EP400: variants seen among roughly 807,000 people sequenced by gnomAD.
EP400 encodes E1A binding protein p400.
A neutral mutation model predicts 354.1 loss-of-function variants in EP400; 105 were observed. The observed-to-expected ratio is 0.30, with a 90% CI of 0.25 to 0.35. The LOEUF is 0.35. Among genes scored for constraint, EP400 ranks in the 10% least tolerant of loss-of-function variants. The pLI is 1.00. For synonymous variants in EP400, 1,646 were observed against 1,716.9 expected (o/e 0.96, Z 1.02); for missense variants, 3,280 against 4,121.0 (o/e 0.80, Z 5.59).
chr12:131,975,861 T>A (rs570652738), intron 2 of EP400, among the ~76,000 whole-genome samples: 1 of 152,206 alleles, frequency 6.6e-6, no homozygotes, highest in African/African-American at 2.4e-5. Context: ...CCTGGTCAAT[T>A]TAAAATTTTT....
chr12:131,951,425 C>T (rs1303171612), intron 1 of EP400, among the ~76,000 whole-genome samples: 1 of 151,704 alleles, frequency 6.6e-6, no homozygotes, highest in East Asian at 2.0e-4. Context: ...TCAAACAATC[C>T]TACCGCCTTG....
chr12:132,053,006 A>T (rs1895355717), intron 41 of EP400, 140 bp from the exon 42 acceptor site: 1 of 825,892 alleles, frequency 1.2e-6, no homozygotes, highest in South Asian at 1.5e-5. Context: ...TGCAGGGCAC[A>T]TTGGGCACCT....
intron 5 of EP400, among the ~76,000 whole-genome samples, chr12:131,984,606 A>G (rs1284733163): frequency 2.6e-5 from 4 of 152,148 alleles, no homozygotes; most frequent in Non-Finnish European, 5.9e-5. Context: ...CGAGCCACAT[A>G]CTGACTTAAA....
chr12:132,062,599 G>GCAA lies in EP400; in HGVS notation c.8234_8235insACA (p.Gln2748dup), dbSNP rs774442091. 1 of 1,604,730 alleles carries GCAA rather than the reference G, an allele frequency of 6.2e-7. No individual in the cohort carries two copies. The highest frequency in any genetic ancestry group is 8.5e-7 in the Non-Finnish European group (1 of 1,173,518). ...AGCAGCAGCAGCAGCAGCAACAGCAGCAGCAGCAACAGACGACGACGACCT... is the reference window on the plus strand; with the variant it reads ...AGCAGCAGCAGCAGCAGCAACAGCAGCAACAGCAGCAACAGACGACGACGACCT... On this transcript the variant is annotated inframe_insertion, in exon 47 of 53. Coordinates refer to ENST00000389561, the MANE Select transcript of EP400 (RefSeq NM_015409.5).
At chr12:131,992,433 G>A (rs537873152) in intron 11 of EP400, among the ~76,000 whole-genome samples, 105 of 152,306 alleles carry the variant, frequency 6.9e-4, no homozygotes, top group Admixed American at 1.0e-3. Context: ...CAACATGGTC[G>A]TATCTGCTTT....
intron 1 of EP400, among the ~76,000 whole-genome samples, chr12:131,951,931 C>T (rs1197075396): frequency 6.6e-6 from 1 of 151,936 alleles, no homozygotes; most frequent in Non-Finnish European, 1.5e-5. Flanking sequence ...TGCCTGCCAC[C>T]ACACCTGCCT....
At chr12:132,053,634 G>T (rs1029259311) in intron 43 of EP400, 37 bp downstream of exon 43, 4 of 1,477,578 alleles carry the variant, frequency 2.7e-6, no homozygotes, top group Admixed American at 2.3e-5. Context: ...CCCCTCTACG[G>T]GAAGTCACCC....
chr12:131,950,810 G>T (rs1891449177), intron 1 of EP400, among the ~76,000 whole-genome samples: 2 of 152,234 alleles, frequency 1.3e-5, no homozygotes, highest in African/African-American at 4.8e-5. Context: ...TTGGCGTGCA[G>T]TGGCGCGATG....
chr12:131,981,548 G>C lies in EP400; in HGVS notation c.1495G>C (p.Gly499Arg). 3 of 1,602,322 alleles carry C rather than the reference G, an allele frequency of 1.9e-6. No individual in the cohort carries two copies. Among genetic ancestry groups the C allele is most frequent in the Non-Finnish European group, 2.6e-6 (3 of 1,174,820 alleles). ...GHQGVVFQHP[G>R]ADAGVPLQQL... Reference sequence around the variant, plus strand: ...CCAAGGGGTAGTTTTCCAGCACCCAGGGGCGGACGCAGGCGTTCCTCTCCA... The same window carrying C: ...CCAAGGGGTAGTTTTCCAGCACCCACGGGCGGACGCAGGCGTTCCTCTCCA... The change falls in exon 4 of 53, where the codon GGG becomes CGG. Residue 499 changes from glycine to arginine, a missense_variant. Physicochemically the swap from Gly to Arg is moderately radical, Grantham distance 125. Coordinates refer to ENST00000389561, the MANE Select transcript of EP400 (RefSeq NM_015409.5).
intron 12 of EP400, among the ~76,000 whole-genome samples, chr12:131,997,658 A>T (rs542713226): frequency 4.0e-5 from 6 of 150,984 alleles, no homozygotes; most frequent in Admixed American, 6.6e-5. Context: ...GAGAAAATAC[A>T]TTTACTATTT....
chr12:131,958,179 G>T (rs1269737423), intron 1 of EP400, among the ~76,000 whole-genome samples: 1 of 152,186 alleles, frequency 6.6e-6, no homozygotes, highest in Non-Finnish European at 1.5e-5. Context: ...CATAATGTTT[G>T]TTTAGTAAGA....
intron 19 of EP400, among the ~76,000 whole-genome samples, chr12:132,016,216 A>G (rs937834212): frequency 6.6e-6 from 1 of 152,136 alleles, no homozygotes; most frequent in Non-Finnish European, 1.5e-5. Flanking sequence ...CCAGGCTCAC[A>G]GGAGCTCTCC....
intron 2 of EP400, among the ~76,000 whole-genome samples, chr12:131,971,470 G>A (rs937693134): frequency 6.6e-6 from 1 of 152,132 alleles, no homozygotes; most frequent in Non-Finnish European, 1.5e-5. Flanking sequence ...TTCAAGACAC[G>A]GATTTCCTTT....
chr12:131,958,698 T>C (rs1891782698), intron 1 of EP400, among the ~76,000 whole-genome samples: 1 of 152,108 alleles, frequency 6.6e-6, no homozygotes, highest in Non-Finnish European at 1.5e-5. Flanking sequence ...TTTGTATTTT[T>C]CTTGTAGAGA....
At chr12:132,010,891 G>A (rs1161526386) in intron 15 of EP400, among the ~76,000 whole-genome samples, 8 of 152,178 alleles carry the variant, frequency 5.3e-5, no homozygotes, top group Non-Finnish European at 1.2e-4. Flanking sequence ...GCAGTGAGCC[G>A]AGATTGTGCC....
rs143174172 is a variant in EP400, at chr12:132,061,058, T to C, written c.7885-1052T>C. Among the ~76,000 whole-genome samples the C allele has an allele frequency of 2.9e-3, 441 of 152,134 alleles. 1 individual carries two copies. The highest frequency in any genetic ancestry group is 0.01 in the African/African-American group (417 of 41,496). On this transcript the variant is annotated intron_variant, in intron 45 of 52. Transcript: ENST00000389561. ...AGCTGGAAGTGGTAACAAGGTAGAC[T>C]CATGGATGAACGCAGGAGCTCACTG...
At chr12:132,036,021 T>C (rs1229531277) in intron 30 of EP400, among the ~76,000 whole-genome samples, 71 of 124,320 alleles carry the variant, frequency 5.7e-4, no homozygotes, top group African/African-American at 1.8e-3. Flanking sequence ...CAGGTTCACA[T>C]GGAACGCTGT....
In EP400 at chr12:131,953,375, T is replaced by C. The variant is rs553661946; in HGVS notation, c.-36+3339T>C. 9.8e-5 allele frequency among the ~76,000 whole-genome samples: 15 copies of C among 152,328 alleles called. No homozygotes were observed. The East Asian group carries it at 2.5e-3, about 25-fold the overall frequency. Reference sequence around the variant, plus strand: ...AACTTCTCTCACAAGCTGAAATAGATCCCACCTGTTCTAGTATAGGAGCTT... The same window carrying C: ...AACTTCTCTCACAAGCTGAAATAGACCCCACCTGTTCTAGTATAGGAGCTT... On this transcript the variant is annotated intron_variant, in intron 1 of 52. Coordinates refer to ENST00000389561, the MANE Select transcript of EP400 (RefSeq NM_015409.5).
chr12:132,066,389 T>C (rs1895891496), intron 48 of EP400: 1 of 177,608 alleles, frequency 5.6e-6, no homozygotes, highest in Non-Finnish European at 1.2e-5. Flanking sequence ...CATTTTGAAG[T>C]GAGGGACAGG....
Sources: allele counts gnomAD v4.1 joint callset (sites outside exome capture counted in the v4.1 genomes callset), GRCh38; gene constraint gnomAD v4.1.1; transcripts MANE v1.5; gene names NCBI Gene and HGNC (gene_info 2026-07-23, HGNC 2026-07-21).